The following IDO2 variants were observed in gnomAD, a reference collection of about 807,000 sequenced individuals.
IDO2 encodes the protein indoleamine 2,3-dioxygenase-like 1 protein.
In IDO2, 46 loss-of-function variants were observed where a neutral mutation model predicts 45.1. The observed-to-expected ratio is 1.02, with a 90% CI of 0.80 to 1.30. IDO2 has a LOEUF of 1.30. IDO2 is among the 50% of genes most tolerant of loss of function. IDO2 has a pLI of 0.00. For missense variants in IDO2, 544 were observed against 491.8 expected (o/e 1.11, Z -1.00); for synonymous variants, 218 against 184.9 (o/e 1.18, Z -1.45).
chr8:39,986,865 C>CATCATTATTATTATTATT (rs113443352), intron 6 of IDO2: 2 of 144,082 alleles, frequency 1.4e-5, no homozygotes, highest in East Asian at 2.1e-4. Flanking sequence ...CACAATATCT[C>CATCATTATTATTATTATT]ATTATTATTA....
rs538988410 is a variant in IDO2, at chr8:40,000,345, G to A, written c.668-4982G>A. Reference sequence around the variant, plus strand: ...GAATCGCTTGAACCCAGGAGGCGGAGGTTGCAGTGAACTGAGATCGTGCCA... The same window carrying A: ...GAATCGCTTGAACCCAGGAGGCGGAAGTTGCAGTGAACTGAGATCGTGCCA... On this transcript the variant is annotated intron_variant, in intron 8 of 10. Transcript: ENST00000502986. Among the ~76,000 whole-genome samples, 11 of 152,028 alleles carry A rather than the reference G, an allele frequency of 7.2e-5. No homozygotes were observed. The South Asian group carries it at 2.3e-3, about 32-fold the overall frequency.
chr8:39,989,761 A>G, exon 8 of IDO2: 1 of 1,603,570 alleles, frequency 6.2e-7, no homozygotes, highest in South Asian at 1.1e-5. Context: ...CAGCCCAACC[A>G]GGAGGCCCTG....
At chr8:39,946,519 A>G (rs1807733663) in intron 1 of IDO2, among the ~76,000 whole-genome samples, 1 of 152,182 alleles carries the variant, frequency 6.6e-6, no homozygotes, top group African/African-American at 2.4e-5. Flanking sequence ...AGGCAGGAGA[A>G]TCACTTGAAC....
intron 3 of IDO2, among the ~76,000 whole-genome samples, chr8:39,965,469 A>AGAGT (rs1466635138): frequency 2.0e-5 from 3 of 152,164 alleles, no homozygotes; most frequent in Non-Finnish European, 4.4e-5. Context: ...CCTGGGCCAC[A>AGAGT]GAGTGAGACT....
chr8:39,991,554 CA>C (rs1194409556), intron 8 of IDO2, among the ~76,000 whole-genome samples: 1 of 146,372 alleles, frequency 6.8e-6, no homozygotes, highest in African/African-American at 2.5e-5. Flanking sequence ...GGCTCACTTT[CA>C]GACTCACTTC....
chr8:40,007,757 T>C (rs545998486), intron 9 of IDO2, among the ~76,000 whole-genome samples: 3 of 152,336 alleles, frequency 2.0e-5, no homozygotes, highest in African/African-American at 7.2e-5. Context: ...ATGCATTCAT[T>C]GTTTCACAAT....
At chr8:39,983,585 C>T (rs575147599) in intron 5 of IDO2, among the ~76,000 whole-genome samples, 63 of 152,144 alleles carry the variant, frequency 4.1e-4, no homozygotes, top group African/African-American at 1.3e-3. Flanking sequence ...GTGCCCCGGC[C>T]GGGCCCGGTG....
At chr8:39,993,341 GT>G (rs1801975777) in intron 8 of IDO2, among the ~76,000 whole-genome samples, 1 of 152,026 alleles carries the variant, frequency 6.6e-6, no homozygotes, top group South Asian at 2.1e-4. Flanking sequence ...CCATGGAAAT[GT>G]TTGCCTTTAT....
At chr8:39,988,224 C>G (rs1055060663) in intron 7 of IDO2, among the ~76,000 whole-genome samples, 1 of 152,092 alleles carries the variant, frequency 6.6e-6, no homozygotes, top group Admixed American at 6.6e-5. Flanking sequence ...GAAATTGGAT[C>G]GAACAAGACA....
intron 1 of IDO2, among the ~76,000 whole-genome samples, chr8:39,942,000 G>T (rs931098711): frequency 3.3e-5 from 5 of 152,182 alleles, no homozygotes; most frequent in Admixed American, 3.3e-4. Context: ...GGCTGAGGCA[G>T]AAGGATCACT....
chr8:40,005,424 T>C (rs778806976), intron 9 of IDO2, 46 bp downstream of exon 9: 2 of 1,257,086 alleles, frequency 1.6e-6, no homozygotes, highest in African/African-American at 1.5e-5. Context: ...TCTGTAGCAT[T>C]GACTGAATGT....
At chr8:39,973,471 CTG>C (rs1464929174) in intron 3 of IDO2, among the ~76,000 whole-genome samples, 1 of 151,700 alleles carries the variant, frequency 6.6e-6, no homozygotes, top group Non-Finnish European at 1.5e-5. Flanking sequence ...GGAAAGGAAA[CTG>C]TAAGTATGTA....
chr8:39,980,451 C>T (rs1421933145), intron 4 of IDO2, among the ~76,000 whole-genome samples: 1 of 150,576 alleles, frequency 6.6e-6, no homozygotes, highest in African/African-American at 2.5e-5. Flanking sequence ...AATAATTCAT[C>T]CAAATCTCTT....
intron 3 of IDO2, among the ~76,000 whole-genome samples, 191 bp from the exon 4 acceptor site, chr8:39,978,876 A>G (rs1270908662): frequency 6.6e-6 from 1 of 151,984 alleles, no homozygotes; most frequent in African/African-American, 2.4e-5. Context: ...CGTGTGGACC[A>G]CCTCCTATAC....
In IDO2 at chr8:39,959,141, G is replaced by A. The variant is rs368905128; in HGVS notation, c.100-4467G>A. Among the ~76,000 whole-genome samples the A allele has an allele frequency of 4.1e-4, 60 of 147,782 alleles. No individual in the cohort carries two copies. The East Asian group carries it at 5.1e-3, about 13-fold the overall frequency. ...TTTTTTTTTTTTGAGACAGTGTCTC[G>A]CTCTGTCGCCCAGGCTGGAGTGCAG... is the stretch of plus-strand genomic sequence containing the variant. On this transcript the variant is annotated intron_variant, in intron 2 of 10. Coordinates refer to ENST00000502986, the Ensembl canonical transcript of IDO2.
chr8:39,989,346 A>C (rs910157141), intron 7 of IDO2, among the ~76,000 whole-genome samples: 1 of 152,158 alleles, frequency 6.6e-6, no homozygotes, highest in African/African-American at 2.4e-5. Context: ...CACAGATTTC[A>C]ACACAGATTT....
rs1373319922 is a variant in IDO2 at position 39,934,726 on chromosome 8, T to C, written c.-510T>C. On this transcript the variant is annotated 5_prime_UTR_variant, in exon 1 of 11. The change abolishes an upstream ATG in the 5' untranslated region. Transcript: ENST00000502986. ...TTTTAAAAACAAGAGCTCAGAGACA[T>C]GGCCCTGGCCTTGGAAGATGCCCTA... is the stretch of plus-strand genomic sequence containing the variant. 4.8e-6 allele frequency: 1 copy of C among 206,416 alleles called. No homozygotes were observed. Among genetic ancestry groups the C allele is most frequent in the East Asian group, 1.6e-4 (1 of 6,280 alleles). The allele number at this position is 206,416 out of a possible 1,614,324, so 12.8% of individuals were successfully genotyped here.
chr8:39,970,129 C>A (rs1808157232), intron 3 of IDO2, among the ~76,000 whole-genome samples: 1 of 152,190 alleles, frequency 6.6e-6, no homozygotes, highest in African/African-American at 2.4e-5. Context: ...GCCACAACTT[C>A]CCTTAAACCA....
At chr8:39,996,920 G>T (rs62511373) in intron 8 of IDO2, among the ~76,000 whole-genome samples, 26,144 of 152,136 alleles carry the variant, frequency 0.17, 2,631 homozygotes, top group East Asian at 0.34. Context: ...CAGGCACAAT[G>T]AACATTGTAA....
Sources: allele counts gnomAD v4.1 joint callset (sites outside exome capture counted in the v4.1 genomes callset), GRCh38; gene constraint gnomAD v4.1.1; transcripts MANE v1.5; gene names NCBI Gene and HGNC (gene_info 2026-07-23, HGNC 2026-07-21).